ASIC2: variants seen among roughly 807,000 people sequenced by gnomAD.
ASIC2 encodes the protein acid-sensing ion channel 2.
Under a neutral mutation model 57.3 loss-of-function variants are expected in ASIC2, and 25 were observed. That is an observed-to-expected ratio of 0.44 (90% confidence interval 0.32 to 0.61). The LOEUF (loss-of-function observed/expected upper bound fraction) is 0.61. Ranked by LOEUF, ASIC2 falls within the 20% of genes least tolerant of loss-of-function variation. ASIC2 has a pLI of 0.06. For synonymous variants in ASIC2, 319 were observed against 307.5 expected (o/e 1.04, Z -0.39); for missense variants, 641 against 738.1 (o/e 0.87, Z 1.52).
At chr17:33,861,774 T>C (rs1490897) in intron 1 of ASIC2, among the ~76,000 whole-genome samples, 104,310 of 152,108 alleles carry the variant, frequency 0.69, 36,791 homozygotes, top group Admixed American at 0.8. Flanking sequence ...TGTGTGCCTT[T>C]ATCCAAGTAC....
At chr17:33,349,021 C>G (rs559086754) in intron 1 of ASIC2, among the ~76,000 whole-genome samples, 1 of 152,152 alleles carries the variant, frequency 6.6e-6, no homozygotes, top group African/African-American at 2.4e-5. Context: ...GGATTGATCC[C>G]GAGATTCTGT....
At chr17:33,486,734 A>C in intron 1 of ASIC2, among the ~76,000 whole-genome samples, 1 of 152,206 alleles carries the variant, frequency 6.6e-6, no homozygotes. Flanking sequence ...TTGGACACTG[A>C]CTTCTTAGTG....
intron 5 of ASIC2, 143 bp downstream of exon 5, chr17:33,025,783 C>G (rs569332762): frequency 1.8e-5 from 13 of 739,286 alleles, no homozygotes; most frequent in Non-Finnish European, 2.5e-5. Context: ...ATCCCTGCAG[C>G]AACTCCACCC....
intron 1 of ASIC2, among the ~76,000 whole-genome samples, chr17:33,807,670 C>T (rs58781395): frequency 0.13 from 20,161 of 152,136 alleles, 1,424 homozygotes; most frequent in East Asian, 0.19. Flanking sequence ...CCTCCTCATC[C>T]TCTTCACACA....
intron 1 of ASIC2, among the ~76,000 whole-genome samples, chr17:33,985,421 T>A (rs1220206649): frequency 6.6e-6 from 1 of 152,194 alleles, no homozygotes; most frequent in Admixed American, 6.5e-5. Context: ...GGGCCTGACA[T>A]TCTGCATCTC....
chr17:33,210,522 T>G (rs1195605269), intron 1 of ASIC2, among the ~76,000 whole-genome samples: 1 of 152,192 alleles, frequency 6.6e-6, no homozygotes, highest in East Asian at 1.9e-4. Context: ...TGCCTGAGAC[T>G]GTGAAAGCTC....
intron 3 of ASIC2, among the ~76,000 whole-genome samples, chr17:33,081,467 T>A (rs752059244): frequency 2.0e-5 from 3 of 152,126 alleles, no homozygotes; most frequent in Non-Finnish European, 4.4e-5. Context: ...AGTGCTTTGA[T>A]GGGGTGGAAA....
At chr17:33,296,371 C>T (rs1244903499), upstream of ASIC2, among the ~76,000 whole-genome samples, 1 of 152,138 alleles carries the variant, frequency 6.6e-6, no homozygotes, top group African/African-American at 2.4e-5. Flanking sequence ...CACGCTGCCT[C>T]AGTTCTCAGA....
In ASIC2 at chr17:33,048,217, T is replaced by C. The variant is rs146967787; in HGVS notation, c.988-19825A>G. ...ACTCTGGCACCCTGATCTCAGACTTTCAGCCTCCAGAAATAAGAGAAGGTA... is the reference window on the plus strand; with the variant it reads ...ACTCTGGCACCCTGATCTCAGACTTCCAGCCTCCAGAAATAAGAGAAGGTA... On this transcript the variant is annotated intron_variant, in intron 3 of 9. Transcript: ENST00000225823. 1.2e-4 allele frequency among the ~76,000 whole-genome samples: 19 copies of C among 152,324 alleles called. No individual in the cohort carries two copies. The East Asian group carries it at 3.7e-3, about 29-fold the overall frequency.
intron 1 of ASIC2, among the ~76,000 whole-genome samples, chr17:33,630,794 G>A (rs1906140884): frequency 6.6e-6 from 1 of 152,164 alleles, no homozygotes; most frequent in African/African-American, 2.4e-5. Context: ...TGCTCAGTAA[G>A]CATTAGTTAT....
chr17:33,642,865 T>C (rs931955751), intron 1 of ASIC2, among the ~76,000 whole-genome samples: 1 of 152,208 alleles, frequency 6.6e-6, no homozygotes, highest in African/African-American at 2.4e-5. Flanking sequence ...TGGGGAGACC[T>C]GCAAACCTTG....
intron 1 of ASIC2, among the ~76,000 whole-genome samples, chr17:33,988,767 T>G (rs533505111): frequency 2.6e-5 from 4 of 152,094 alleles, no homozygotes; most frequent in Admixed American, 2.0e-4. Flanking sequence ...TTGCCATTGC[T>G]CCCAGAGAGC....
intron 1 of ASIC2, among the ~76,000 whole-genome samples, chr17:33,950,674 AG>A (rs1020095204): frequency 1.3e-5 from 2 of 152,188 alleles, no homozygotes; most frequent in African/African-American, 4.8e-5. Flanking sequence ...AGAGAGGGGA[AG>A]GGACCAATGA....
chr17:33,139,563 A>G (rs1437036899), intron 1 of ASIC2, among the ~76,000 whole-genome samples: 1 of 152,114 alleles, frequency 6.6e-6, no homozygotes, highest in Non-Finnish European at 1.5e-5. Flanking sequence ...CAGGCCCCCA[A>G]CATCTCTTAT....
chr17:33,650,009 C>T (rs1906868710), intron 1 of ASIC2, among the ~76,000 whole-genome samples: 1 of 152,114 alleles, frequency 6.6e-6, no homozygotes, highest in Non-Finnish European at 1.5e-5. Context: ...AAATTAAAAA[C>T]TTTTGCTATT....
At chr17:33,168,118 T>C (rs984547142) in intron 1 of ASIC2, among the ~76,000 whole-genome samples, 3 of 152,232 alleles carry the variant, frequency 2.0e-5, no homozygotes, top group Non-Finnish European at 4.4e-5. Context: ...CACTTCCACC[T>C]TCTGCCCTTC....
intron 1 of ASIC2, among the ~76,000 whole-genome samples, chr17:33,365,411 T>C (rs777871472): frequency 6.6e-6 from 1 of 152,072 alleles, no homozygotes; most frequent in Non-Finnish European, 1.5e-5. Flanking sequence ...TAGTGTTTCC[T>C]GTAGAGTCTG....
chr17:33,600,689 T>C (rs1002427619), intron 1 of ASIC2, among the ~76,000 whole-genome samples: 4 of 152,184 alleles, frequency 2.6e-5, no homozygotes, highest in African/African-American at 9.7e-5. Flanking sequence ...AACTACCACA[T>C]GCTTAGTGTT....
At chr17:34,069,322 CCT>C (rs374481670) in intron 1 of ASIC2, 56 of 92,018 alleles carry the variant, frequency 6.1e-4, no homozygotes, top group African/African-American at 1.4e-3. Context: ...TTCTTCCTTT[CCT>C]CTCTTTCTTT....
Sources: allele counts gnomAD v4.1 joint callset (sites outside exome capture counted in the v4.1 genomes callset), GRCh38; gene constraint gnomAD v4.1.1; transcripts MANE v1.5; gene names NCBI Gene and HGNC (gene_info 2026-07-23, HGNC 2026-07-21).